The following RASA1 variants were observed in gnomAD, a reference collection of about 807,000 sequenced individuals.
RASA1 encodes ras GTPase-activating protein 1.
Under a neutral mutation model 132.2 loss-of-function variants are expected in RASA1, and 25 were observed. The ratio of observed to expected loss-of-function variants is 0.19; its 90% CI spans 0.14 to 0.26. The LOEUF (loss-of-function observed/expected upper bound fraction) is 0.26. RASA1 is among the 10% of genes least tolerant of loss of function. The pLI is 1.00. For missense variants in RASA1, 964 were observed against 1,299.2 expected (o/e 0.74, Z 3.97); for synonymous variants, 477 against 449.9 (o/e 1.06, Z -0.76).
At chr5:87,339,199 C>T (rs1057045229) in intron 5 of RASA1, among the ~76,000 whole-genome samples, 2 of 152,048 alleles carry the variant, frequency 1.3e-5, no homozygotes, top group African/African-American at 4.8e-5. Context: ...AATTCTCTTA[C>T]CTGCCTATTC....
chr5:87,278,869 C>G (rs1754184062), intron 1 of RASA1, among the ~76,000 whole-genome samples: 1 of 149,852 alleles, frequency 6.7e-6, no homozygotes, highest in African/African-American at 2.5e-5. Flanking sequence ...CAGAGTGTCT[C>G]CTTCCTCTTT....
intron 11 of RASA1, 117 bp from the exon 12 acceptor site, chr5:87,369,696 T>C: frequency 1.3e-6 from 1 of 746,742 alleles, no homozygotes; most frequent in Non-Finnish European, 2.3e-6. Context: ...TGGAGTATTA[T>C]TTCTTTAAGA....
At chr5:87,286,014 T>A (rs1754544361) in intron 1 of RASA1, among the ~76,000 whole-genome samples, 1 of 151,748 alleles carries the variant, frequency 6.6e-6, no homozygotes, top group African/African-American at 2.4e-5. Context: ...TTTATTATTA[T>A]TATTTTGTGA....
chr5:87,368,108 T>A (rs1207059361), intron 11 of RASA1, among the ~76,000 whole-genome samples: 2 of 152,146 alleles, frequency 1.3e-5, no homozygotes, highest in Admixed American at 1.3e-4. Context: ...TTCTGCCACA[T>A]TCCTTTTTCT....
chr5:87,297,042 G>A (rs1178390647), intron 1 of RASA1, among the ~76,000 whole-genome samples: 1 of 151,864 alleles, frequency 6.6e-6, no homozygotes, highest in East Asian at 1.9e-4. Context: ...CCTTAGCTAT[G>A]TTCAGTCTAC....
intron 11 of RASA1, among the ~76,000 whole-genome samples, chr5:87,365,709 TTTAAA>T (rs1355969709): frequency 6.6e-6 from 1 of 152,002 alleles, no homozygotes; most frequent in Non-Finnish European, 1.5e-5. Flanking sequence ...AAAAAATAAT[TTTAAA>T]AAAATGTAAC....
intron 4 of RASA1, among the ~76,000 whole-genome samples, chr5:87,333,777 G>C (rs1757762609): frequency 6.6e-6 from 1 of 152,004 alleles, no homozygotes; most frequent in Admixed American, 6.5e-5. Flanking sequence ...TATATAATTT[G>C]ATAATCAGAT....
intron 1 of RASA1, among the ~76,000 whole-genome samples, chr5:87,299,203 G>T (rs890946975): frequency 2.0e-4 from 31 of 152,114 alleles, no homozygotes; most frequent in African/African-American, 7.2e-4. Flanking sequence ...AAACTTACAT[G>T]CTTAGTGATC....
chr5:87,340,232 G>C (rs62368948), intron 5 of RASA1, among the ~76,000 whole-genome samples: 6,444 of 152,138 alleles, frequency 0.042, 184 homozygotes, highest in Non-Finnish European at 0.066. Context: ...TGTCATCCCT[G>C]TTTCACAGAG....
At chr5:87,287,814 A>ACACG (rs1491336227) in intron 1 of RASA1, among the ~76,000 whole-genome samples, 5 of 144,142 alleles carry the variant, frequency 3.5e-5, no homozygotes, top group African/African-American at 1.0e-4. Flanking sequence ...CCATATATAT[A>ACACG]CCATATATAC....
intron 1 of RASA1, among the ~76,000 whole-genome samples, chr5:87,323,700 C>T (rs1348733246): frequency 2.0e-5 from 3 of 151,342 alleles, no homozygotes; most frequent in African/African-American, 7.3e-5. Context: ...GGCTATATAT[C>T]TTTTGATAAG....
chr5:87,318,937 A>G (rs1208138289), intron 1 of RASA1: 2 of 152,284 alleles, frequency 1.3e-5, no homozygotes, highest in African/African-American at 4.8e-5. Flanking sequence ...CCAAGGTACA[A>G]TGAGAGTACA....
At chr5:87,295,739 T>C (rs1218510815) in intron 1 of RASA1, among the ~76,000 whole-genome samples, 1 of 152,080 alleles carries the variant, frequency 6.6e-6, no homozygotes, top group Non-Finnish European at 1.5e-5. Context: ...CTCAAATTCC[T>C]GGGCTAAAGC....
chr5:87,386,738 T>C, intron 22 of RASA1, 88 bp from the exon 23 acceptor site: 1 of 1,139,172 alleles, frequency 8.8e-7, no homozygotes, highest in Non-Finnish European at 1.3e-6. Flanking sequence ...CAGTTTTTGC[T>C]GTTAACTGTA....
At chr5:87,360,124 G>GTTTTTTT (rs755443447) in intron 9 of RASA1, among the ~76,000 whole-genome samples, 1 of 132,702 alleles carries the variant, frequency 7.5e-6, no homozygotes, top group Non-Finnish European at 1.6e-5. Flanking sequence ...TCAAAATGCA[G>GTTTTTTT]TTTTTTTTTT....
At chr5:87,379,893 T>G in intron 19 of RASA1, 43 bp downstream of exon 19, 1 of 1,580,286 alleles carries the variant, frequency 6.3e-7, no homozygotes, top group Non-Finnish European at 8.7e-7. Flanking sequence ...TGTGTATCTA[T>G]GTCTTCAGAA....
At chr5:87,371,384 T>G (rs1180041302) in intron 12 of RASA1, among the ~76,000 whole-genome samples, 4 of 150,374 alleles carry the variant, frequency 2.7e-5, no homozygotes, top group Non-Finnish European at 4.5e-5. Context: ...GCCAACAAAC[T>G]AAAGACATAA....
At chr5:87,350,392 T>C (rs1580328176) in intron 8 of RASA1, among the ~76,000 whole-genome samples, 1 of 151,950 alleles carries the variant, frequency 6.6e-6, no homozygotes, top group Middle Eastern at 3.4e-3. Context: ...CCAATTCCAG[T>C]TTTCTGGAGA....
At chr5:87,389,595 C>CT in intron 24 of RASA1, 68 bp downstream of exon 24, 2 of 1,570,540 alleles carry the variant, frequency 1.3e-6, no homozygotes, top group Non-Finnish European at 1.7e-6. Context: ...TAATAAATAG[C>CT]TGAATTCTGG....
Sources: allele counts gnomAD v4.1 joint callset (sites outside exome capture counted in the v4.1 genomes callset), GRCh38; gene constraint gnomAD v4.1.1; transcripts MANE v1.5; gene names NCBI Gene and HGNC (gene_info 2026-07-23, HGNC 2026-07-21).